The following URB2 variants were observed in gnomAD, a reference collection of about 807,000 sequenced individuals.
URB2 encodes the protein URB2 ribosome biogenesis homolog.
In URB2, 86 loss-of-function variants were observed where a neutral mutation model predicts 120.9. That is an observed-to-expected ratio of 0.71 (90% CI 0.60 to 0.85). The LOEUF (loss-of-function observed/expected upper bound fraction) is 0.85. Ranked by LOEUF, URB2 falls within the 40% of genes least tolerant of loss-of-function variation. The pLI is 0.00. For synonymous variants in URB2, 755 were observed against 758.4 expected (o/e 1.00, Z 0.07); for missense variants, 1,765 against 1,836.5 (o/e 0.96, Z 0.71).
At position 229,630,475 on chromosome 1, in the gene URB2, A is replaced by G. The variant is rs1009562217; in HGVS notation, c.127-1794A>G. On this transcript the variant is annotated intron_variant, in intron 2 of 9. Transcript: ENST00000258243. ...ATGAGCTTAAAATCTTCAGTAAACC[A>G]TGCTGTAAACGGATATGCTGTCATT... 3.3e-5 allele frequency among the ~76,000 whole-genome samples: 5 copies of G among 152,218 alleles called. No individual in the cohort carries two copies. The South Asian group carries it at 8.3e-4, about 25-fold the overall frequency.
chr1:229,636,177 CAGTCTTT>C lies in URB2; in HGVS notation c.1571_1577del (p.Leu524CysfsTer12), dbSNP rs755048895. On this transcript the variant is annotated frameshift_variant, in exon 4 of 10. Coordinates refer to ENST00000258243, the MANE Select transcript of URB2 (RefSeq NM_014777.4). LOFTEE classifies it high-confidence loss of function. ...GTGGTCCCTTGTGCTGGAGAAGTTC[CAGTCTTT>C]AGTCTTGCCCTATTTGCAGAGTGAT... The C allele has an allele frequency of 1.1e-5, 18 of 1,614,090 alleles. No homozygotes were observed.
intron 9 of URB2, among the ~76,000 whole-genome samples, chr1:229,656,043 C>T (rs764419543): frequency 3.9e-5 from 6 of 152,184 alleles, no homozygotes; most frequent in Non-Finnish European, 7.4e-5. Context: ...CACACCTTAC[C>T]GGGTGTGGAG....
intron 8 of URB2, among the ~76,000 whole-genome samples, chr1:229,651,901 G>T (rs915479014): frequency 2.0e-5 from 3 of 152,138 alleles, no homozygotes; most frequent in Admixed American, 2.0e-4. Context: ...AAAATTGCTG[G>T]CCGGGCGCAG....
At position 229,659,461 on chromosome 1, in the gene URB2, G is replaced by A. The variant is rs1205624984; in HGVS notation, c.*164G>A. 7 of 671,256 alleles carry A rather than the reference G, an allele frequency of 1.0e-5. No individual in the cohort carries two copies. The highest frequency in any genetic ancestry group is 3.6e-5 in the African/African-American group (2 of 55,562). The allele number at this position is 671,256 out of a possible 1,614,324, so 41.6% of individuals were successfully genotyped here. A position where few individuals can be genotyped will look rare whatever the true frequency, so the allele number is the denominator to read the frequency against. ...AGTATATTTTGATGTATTTTACATC[G>A]TGTTTTTCTTACTATTTTTTAATAC... is the stretch of plus-strand genomic sequence containing the variant. On this transcript the variant is annotated 3_prime_UTR_variant, in exon 10 of 10. Transcript: ENST00000258243.
intron 4 of URB2, among the ~76,000 whole-genome samples, chr1:229,638,888 T>C (rs1665929163): frequency 6.6e-6 from 1 of 152,226 alleles, no homozygotes; most frequent in African/African-American, 2.4e-5. Flanking sequence ...CCTCTTCAGC[T>C]TTTTAGCCTT....
At chr1:229,651,452 C>A in intron 8 of URB2, 130 bp downstream of exon 8, 1 of 675,396 alleles carries the variant, frequency 1.5e-6, no homozygotes, top group Non-Finnish European at 2.2e-6. Context: ...CAAATGAATA[C>A]TCAAAATATA....
In URB2 at chr1:229,645,981, C is replaced by T. The variant is rs1666139540; in HGVS notation, c.3906+12C>T. 4 of 1,612,208 alleles carry T rather than the reference C, an allele frequency of 2.5e-6. No homozygotes were observed. Among genetic ancestry groups the T allele is most frequent in the African/African-American group, 1.3e-5 (1 of 75,000 alleles). On this transcript the variant is annotated intron_variant, in intron 6 of 9. Coordinates refer to ENST00000258243, the MANE Select transcript of URB2 (RefSeq NM_014777.4). ...TCACAGCTTTAACAGTGAGTACCCT[C>T]TGGAGATGTGTCCTCTAGCTCCTCC...
At chr1:229,654,169 C>T in intron 8 of URB2, 80 bp from the exon 9 acceptor site, 1 of 1,564,948 alleles carries the variant, frequency 6.4e-7, no homozygotes, top group Non-Finnish European at 8.7e-7. Context: ...AATTTTCACC[C>T]ATATTAAAAG....
intron 4 of URB2, among the ~76,000 whole-genome samples, chr1:229,642,332 C>G (rs1666030917): frequency 2.0e-5 from 3 of 152,034 alleles, no homozygotes; most frequent in Admixed American, 2.0e-4. Flanking sequence ...GCTGTTATGC[C>G]CACTTCACTG....
intron 7 of URB2, among the ~76,000 whole-genome samples, chr1:229,648,287 TC>T (rs1666198688): frequency 6.6e-6 from 1 of 152,224 alleles, no homozygotes; most frequent in Non-Finnish European, 1.5e-5. Context: ...ATGCAAATAT[TC>T]CGAAATCTGA....
Position 229,635,257 on chromosome 1 carries a change from G to A in URB2, c.644G>A (p.Gly215Asp), listed in dbSNP as rs374546741. 6.2e-7 allele frequency: 1 copy of A among 1,614,204 alleles called. No homozygotes were observed. Among genetic ancestry groups the A allele is most frequent in the Non-Finnish European group, 8.5e-7 (1 of 1,180,050 alleles). ...GTCCTGAGGCACTTACTCTCTGGGGGCACATGGACGCAGGCTGGCCAGGGC... is the reference window on the plus strand; with the variant it reads ...GTCCTGAGGCACTTACTCTCTGGGGACACATGGACGCAGGCTGGCCAGGGC... Reference protein sequence around the residue: ...CLVLRHLLSGGTWTQAGQGQL... With the variant: ...CLVLRHLLSGDTWTQAGQGQL... The change falls in exon 4 of 10, where the codon GGC becomes GAC. Residue 215 changes from glycine (G) to aspartate (D), a missense_variant. Physicochemically the swap from Gly to Asp is moderately conservative, Grantham distance 94 (BLOSUM62 -1). Coordinates refer to ENST00000258243, the MANE Select transcript of URB2 (RefSeq NM_014777.4).
At chr1:229,634,821 A>G in intron 3 of URB2, 96 bp from the exon 4 acceptor site, 3 of 1,132,694 alleles carry the variant, frequency 2.6e-6, no homozygotes, top group Admixed American at 3.3e-5. Context: ...AGATGAGGGA[A>G]AGGGGTGAGT....
At chr1:229,627,260 G>A (rs1423042701) in intron 1 of URB2, among the ~76,000 whole-genome samples, 1 of 152,164 alleles carries the variant, frequency 6.6e-6, no homozygotes, top group East Asian at 1.9e-4. Flanking sequence ...CTTTCAATTT[G>A]AAACCATGTA....
chr1:229,637,385 G>T lies in URB2; in HGVS notation c.2772G>T (p.Met924Ile), dbSNP rs762500681. 3.1e-5 allele frequency: 50 copies of T among 1,614,060 alleles called. No individual in the cohort carries two copies. The highest frequency in any genetic ancestry group is 4.2e-5 in the Non-Finnish European group (49 of 1,180,040). The change falls in exon 4 of 10, where the codon ATG (methionine) becomes ATT (isoleucine). Residue 924 changes from methionine to isoleucine, a missense_variant. Transcript: ENST00000258243. Reference sequence around the variant, plus strand: ...ATTATTTTCTTGTGTTACTGTCCATGGCCGTCACCAAACTAGGATGCTCTT... The same window carrying T: ...ATTATTTTCTTGTGTTACTGTCCATTGCCGTCACCAAACTAGGATGCTCTT... ...HVHYFLVLLS[M>I]AVTKLGCSCS...
Position 229,638,096 on chromosome 1 carries a change from A to G in URB2, c.3483A>G (p.Ile1161Met), listed in dbSNP as rs1201060978. 1 of 1,614,164 alleles carries G rather than the reference A, an allele frequency of 6.2e-7. No homozygotes were observed. Among genetic ancestry groups the G allele is most frequent in the Non-Finnish European group, 8.5e-7 (1 of 1,180,014 alleles). ...TCTACCAGGGTGTTTACTCTCAGAT[A>G]CTGTTGGAGTTGCCAGCTCTCGCGG... ...VALYQGVYSQILLELPALAGH... is the reference protein window; with the variant it reads ...VALYQGVYSQMLLELPALAGH... The change falls in exon 4 of 10, where the codon ATA (isoleucine) becomes ATG (methionine). Residue 1161 changes from isoleucine (I) to methionine (M), a missense_variant. Physicochemically the swap from Ile to Met is conservative, Grantham distance 10. Coordinates refer to ENST00000258243, the MANE Select transcript of URB2 (RefSeq NM_014777.4).
chr1:229,656,558 C>T (rs1666411476), intron 9 of URB2, among the ~76,000 whole-genome samples: 1 of 152,238 alleles, frequency 6.6e-6, no homozygotes, highest in South Asian at 2.1e-4. Flanking sequence ...GCATTAGCAG[C>T]TTCTACTGAG....
intron 2 of URB2, among the ~76,000 whole-genome samples, chr1:229,631,113 A>C (rs976320379): frequency 2.6e-5 from 4 of 152,056 alleles, no homozygotes; most frequent in African/African-American, 7.2e-5. Context: ...CCTTCTACAT[A>C]ACTTCACCTG....
chr1:229,650,515 C>T (rs911124239), intron 7 of URB2, among the ~76,000 whole-genome samples: 33 of 152,070 alleles, frequency 2.2e-4, no homozygotes, highest in Non-Finnish European at 4.9e-4. Flanking sequence ...ACTGTAACCT[C>T]TGTCTCCTGG....
chr1:229,634,831 T>G, intron 3 of URB2, 86 bp from the exon 4 acceptor site: 8 of 1,226,710 alleles, frequency 6.5e-6, no homozygotes, highest in East Asian at 5.3e-5. Flanking sequence ...AAGGGGTGAG[T>G]TTGTTGATTT....
Sources: gnomAD v4.1 joint callset for allele counts (sites outside exome capture counted in the v4.1 genomes callset) on GRCh38, gnomAD v4.1.1 for gene constraint, MANE v1.5 for transcripts, NCBI Gene and HGNC (gene_info 2026-07-23, HGNC 2026-07-21) for gene names.